Variants in RALGPS2 observed in about 807,000 individuals in gnomAD.
RALGPS2 encodes the protein ras-specific guanine nucleotide-releasing factor RalGPS2.
In RALGPS2, 43 loss-of-function variants were observed where a neutral mutation model predicts 86.8. The observed-to-expected ratio is 0.50, with a 90% CI of 0.39 to 0.64. The LOEUF is 0.64. RALGPS2 is among the 30% of genes least tolerant of loss of function. The pLI, the probability that RALGPS2 is intolerant of heterozygous loss-of-function variation, is 0.00. For synonymous variants in RALGPS2, 243 were observed against 231.3 expected, an observed-to-expected ratio of 1.05 and a Z score of -0.46; for missense variants, 536 against 694.6, an observed-to-expected ratio of 0.77 and a Z score of 2.57.
intron 1 of RALGPS2, among the ~76,000 whole-genome samples, chr1:178,729,031 T>G (rs1235365983): frequency 1.3e-5 from 2 of 152,216 alleles, no homozygotes; most frequent in Admixed American, 1.3e-4. Flanking sequence ...GGCCGTTTAT[T>G]TCATTACAGA....
intron 1 of RALGPS2, among the ~76,000 whole-genome samples, chr1:178,755,953 T>G (rs372170263): frequency 6.6e-6 from 1 of 152,356 alleles, no homozygotes; most frequent in East Asian, 1.9e-4. Flanking sequence ...GTTGAACATT[T>G]TTATATGTTT....
At chr1:178,898,130 A>G (rs979671759) in intron 17 of RALGPS2, among the ~76,000 whole-genome samples, 3 of 152,040 alleles carry the variant, frequency 2.0e-5, no homozygotes, top group Admixed American at 6.6e-5. Flanking sequence ...ATGAAGAGGA[A>G]TGATCAATTA....
chr1:178,856,090 C>G (rs1436584171), intron 8 of RALGPS2, among the ~76,000 whole-genome samples: 1 of 148,512 alleles, frequency 6.7e-6, no homozygotes, highest in Non-Finnish European at 1.5e-5. Flanking sequence ...AGTAAAAGTT[C>G]TGTACGATAA....
At chr1:178,832,276 A>G (rs1656061116) in intron 7 of RALGPS2, among the ~76,000 whole-genome samples, 1 of 152,150 alleles carries the variant, frequency 6.6e-6, no homozygotes, top group African/African-American at 2.4e-5. Flanking sequence ...TTAAAGAGGG[A>G]GCGATACTGT....
At chr1:178,910,940 A>G (rs1660599538) in intron 19 of RALGPS2, among the ~76,000 whole-genome samples, 3 of 151,766 alleles carry the variant, frequency 2.0e-5, no homozygotes, top group Non-Finnish European at 4.4e-5. Flanking sequence ...CAGTTTTGGA[A>G]CTCATTATTG....
Position 178,776,705 on chromosome 1 carries a change from A to T in RALGPS2, c.-60A>T. 1 of 1,292,384 alleles carries T rather than the reference A, an allele frequency of 7.7e-7. No individual in the cohort carries two copies. The highest frequency in any genetic ancestry group is 1.1e-6 in the Non-Finnish European group (1 of 918,334). 80.1% of individuals were successfully genotyped at this position (1,292,384 alleles called of 1,614,324 possible). A position where few individuals can be genotyped will look rare whatever the true frequency, so the allele number is the denominator to read the frequency against. On this transcript the variant is annotated 5_prime_UTR_variant, in exon 2 of 20. Coordinates refer to ENST00000367635, the MANE Select transcript of RALGPS2 (RefSeq NM_152663.5). ...AGGAATAATGTATTTGTGGCCTTGG[A>T]CATGAGGCAGTCAGTCCTCTGTTGC...
intron 8 of RALGPS2, among the ~76,000 whole-genome samples, chr1:178,854,625 G>A (rs549064814): frequency 3.0e-4 from 46 of 152,152 alleles, no homozygotes; most frequent in Non-Finnish European, 5.7e-4. Context: ...CAGTTACCTG[G>A]TGATAGTTGA....
intron 7 of RALGPS2, 150 bp from the exon 8 acceptor site, chr1:178,833,274 G>A: frequency 1.5e-6 from 1 of 673,146 alleles, no homozygotes; most frequent in Non-Finnish European, 2.0e-6. Context: ...ATCTGATTTT[G>A]TCTTATTTAT....
chr1:178,848,722 G>A (rs538786053), intron 8 of RALGPS2, among the ~76,000 whole-genome samples: 26 of 151,886 alleles, frequency 1.7e-4, no homozygotes, highest in African/African-American at 5.5e-4. Flanking sequence ...GCATAATCTC[G>A]GCCCACTGCA....
chr1:178,806,512 C>A (rs60127762), intron 4 of RALGPS2, among the ~76,000 whole-genome samples: 8,007 of 152,114 alleles, frequency 0.053, 737 homozygotes, highest in African/African-American at 0.18. Flanking sequence ...ATTAGCATAA[C>A]AACATTTTAC....
At chr1:178,751,143 C>A (rs1000094630) in intron 1 of RALGPS2, among the ~76,000 whole-genome samples, 13 of 152,080 alleles carry the variant, frequency 8.5e-5, no homozygotes, top group African/African-American at 3.1e-4. Context: ...CACCCTATGT[C>A]CCTCCCCCCC....
intron 8 of RALGPS2, among the ~76,000 whole-genome samples, chr1:178,840,334 A>C (rs997128437): frequency 3.9e-5 from 6 of 152,248 alleles, no homozygotes; most frequent in Admixed American, 6.5e-5. Flanking sequence ...ACTAGAACTC[A>C]GGATTAAGAA....
chr1:178,747,480 A>G lies in RALGPS2; in HGVS notation c.-84+22061A>G, dbSNP rs1651402637. 6 of 1,606,088 alleles carry G rather than the reference A, an allele frequency of 3.7e-6. No individual in the cohort carries two copies. In the Admixed American group the frequency reaches 8.3e-5, roughly 22 times the overall value. On this transcript the variant is annotated intron_variant, in intron 1 of 19. Coordinates refer to ENST00000367635, the MANE Select transcript of RALGPS2 (RefSeq NM_152663.5). The stretch of plus-strand genomic sequence containing the variant: ...TCATCTGTTGGCCAGTACTGTGCAC[A>G]TTTAACCAATTCTTTCTCCATAATG...
chr1:178,790,129 T>C (rs2102142480), intron 4 of RALGPS2, among the ~76,000 whole-genome samples: 1 of 152,098 alleles, frequency 6.6e-6, no homozygotes, highest in East Asian at 1.9e-4. Flanking sequence ...TTTATTTTAT[T>C]TTTTTAGAGA....
chr1:178,808,971 C>T (rs953676790), intron 5 of RALGPS2, among the ~76,000 whole-genome samples: 1 of 152,058 alleles, frequency 6.6e-6, no homozygotes. Flanking sequence ...CTCAGCCTCT[C>T]AGGTAGCCAG....
At chr1:178,759,510 G>T (rs1572294616) in intron 1 of RALGPS2, among the ~76,000 whole-genome samples, 1 of 148,444 alleles carries the variant, frequency 6.7e-6, no homozygotes, top group East Asian at 1.9e-4. Context: ...CAAGTAATAG[G>T]ATTCCTCAGT....
chr1:178,892,435 C>T, intron 15 of RALGPS2, 128 bp downstream of exon 15: 1 of 716,308 alleles, frequency 1.4e-6, no homozygotes, highest in Admixed American at 2.9e-5. Flanking sequence ...AACAAATTAC[C>T]TAGAAAAACT....
intron 8 of RALGPS2, among the ~76,000 whole-genome samples, chr1:178,848,566 T>G (rs1033100197): frequency 6.6e-6 from 1 of 152,206 alleles, no homozygotes; most frequent in African/African-American, 2.4e-5. Flanking sequence ...TCCAGCCACT[T>G]AACTGCCTAC....
intron 8 of RALGPS2, among the ~76,000 whole-genome samples, chr1:178,868,239 A>G (rs538068640): frequency 7.9e-5 from 12 of 152,060 alleles, no homozygotes; most frequent in Admixed American, 7.9e-4. Context: ...AAACCAATAA[A>G]ACATTTATTA....
Sources: gnomAD v4.1 joint callset for allele counts (sites outside exome capture counted in the v4.1 genomes callset) on GRCh38, gnomAD v4.1.1 for gene constraint, MANE v1.5 for transcripts, NCBI Gene and HGNC (gene_info 2026-07-23, HGNC 2026-07-21) for gene names.